The following FBXO11 variants were observed in gnomAD, a reference collection of about 807,000 sequenced individuals.
FBXO11 encodes F-box only protein 11.
FBXO11 carries 13 observed loss-of-function variants against 117.0 expected under a neutral mutation model. The observed-to-expected ratio is 0.11, with a 90% confidence interval of 0.07 to 0.18. The LOEUF is 0.18. Ranked by LOEUF, FBXO11 falls within the 10% of genes least tolerant of loss-of-function variation. The pLI is 1.00. For synonymous variants in FBXO11, 490 were observed against 380.5 expected (o/e 1.29, Z -3.35); for missense variants, 767 against 1,164.4 (o/e 0.66, Z 4.97).
chr2:47,830,868 T>C (rs1672128662), intron 11 of FBXO11, among the ~76,000 whole-genome samples: 1 of 152,084 alleles, frequency 6.6e-6, no homozygotes, highest in Non-Finnish European at 1.5e-5. Flanking sequence ...TCTTACATCT[T>C]GGCTCACTGC....
At chr2:47,904,581 A>AAC (rs112758707) in intron 1 of FBXO11, among the ~76,000 whole-genome samples, 2,802 of 147,642 alleles carry the variant, frequency 0.019, 39 homozygotes, top group Middle Eastern at 0.031. Context: ...CGCGCGCGCA[A>AAC]ACACACACAC....
chr2:47,878,843 T>C (rs1160777106), intron 1 of FBXO11, among the ~76,000 whole-genome samples: 1 of 151,694 alleles, frequency 6.6e-6, no homozygotes, highest in African/African-American at 2.4e-5. Context: ...TAGCCTGGCG[T>C]GGTGGGATGC....
chr2:47,887,103 T>G (rs555359457), intron 1 of FBXO11, among the ~76,000 whole-genome samples: 8 of 151,546 alleles, frequency 5.3e-5, no homozygotes, highest in Admixed American at 1.3e-4. Context: ...CTGACCAACA[T>G]GGAGAAACCC....
Position 47,878,016 on chromosome 2 carries a change from C to T in FBXO11, c.232+27473G>A, listed in dbSNP as rs1286450277. On this transcript the variant is annotated intron_variant, in intron 1 of 22. Coordinates refer to ENST00000403359, the MANE Select transcript of FBXO11 (RefSeq NM_001190274.2). ...GGTCTTATAATTGCTGCATATGTCT[C>T]CTCCTGAAGATCCAGTCCCTAAGTC... Among the ~76,000 whole-genome samples, 10 of 152,248 alleles carry T rather than the reference C, an allele frequency of 6.6e-5. No individual in the cohort carries two copies. The East Asian group carries it at 1.6e-3, about 24-fold the overall frequency.
rs962299742 is a variant in FBXO11, at chr2:47,906,324, C to G, written c.-604G>C. Among the ~76,000 whole-genome samples, 8 of 152,126 alleles carry G rather than the reference C, an allele frequency of 5.3e-5. No homozygotes were observed. Among genetic ancestry groups the G allele is most frequent in the African/African-American group, 1.9e-4 (8 of 41,424 alleles). The stretch of plus-strand genomic sequence containing the variant: ...TTCTCTCTCCTCCCCCCCTTCTCTC[C>G]TCGGCGAAGGGGAAATGAGTGTGAA... On this transcript the variant is annotated 5_prime_UTR_variant, in exon 1 of 23. Transcript: ENST00000403359.
At chr2:47,821,376 C>T (rs1169541438) in intron 13 of FBXO11, among the ~76,000 whole-genome samples, 2 of 151,994 alleles carry the variant, frequency 1.3e-5, no homozygotes, top group Non-Finnish European at 2.9e-5. Flanking sequence ...TTTGGGAGAC[C>T]GAGGCAGGCA....
At chr2:47,876,231 T>A (rs1675997018) in intron 1 of FBXO11, among the ~76,000 whole-genome samples, 1 of 152,244 alleles carries the variant, frequency 6.6e-6, no homozygotes, top group Admixed American at 6.5e-5. Context: ...AATAGTAGCA[T>A]TCCTGACTCA....
Position 47,806,954 on chromosome 2 carries a change from C to T in FBXO11, c.*1164G>A, listed in dbSNP as rs1670247502. On this transcript the variant is annotated 3_prime_UTR_variant, in exon 23 of 23. Coordinates refer to ENST00000403359, the MANE Select transcript of FBXO11 (RefSeq NM_001190274.2). ...AATAAACTTTATTTTTTAAAAATGACCATTTTTCCATTTTCTTTCTAGGAA... is the reference window on the plus strand; with the variant it reads ...AATAAACTTTATTTTTTAAAAATGATCATTTTTCCATTTTCTTTCTAGGAA... 3 of 944,868 alleles carry T rather than the reference C, an allele frequency of 3.2e-6. No homozygotes were observed. The highest frequency in any genetic ancestry group is 2.0e-5 in the Admixed American group (1 of 50,146). 58.5% of individuals were successfully genotyped at this position (944,868 alleles called of 1,614,324 possible).
intron 1 of FBXO11, among the ~76,000 whole-genome samples, chr2:47,898,582 T>C (rs1677851866): frequency 6.6e-6 from 1 of 152,168 alleles, no homozygotes; most frequent in African/African-American, 2.4e-5. Context: ...AATGATCTCA[T>C]CAACACACTG....
At chr2:47,831,065 C>G (rs1223154686) in intron 11 of FBXO11, among the ~76,000 whole-genome samples, 1 of 151,626 alleles carries the variant, frequency 6.6e-6, no homozygotes, top group African/African-American at 2.4e-5. Context: ...TCCCAAAGTG[C>G]TGGGATTACA....
At chr2:47,869,206 C>T (rs545504494) in intron 1 of FBXO11, among the ~76,000 whole-genome samples, 3 of 152,126 alleles carry the variant, frequency 2.0e-5, no homozygotes, top group Admixed American at 6.5e-5. Flanking sequence ...AACTCACTAA[C>T]GAAATTTCTG....
chr2:47,825,113 G>C (rs567240659), intron 11 of FBXO11, among the ~76,000 whole-genome samples: 1 of 152,160 alleles, frequency 6.6e-6, no homozygotes, highest in Admixed American at 6.5e-5. Flanking sequence ...AAATTTAGTA[G>C]AGGTTAAAAA....
chr2:47,836,136 A>T, intron 4 of FBXO11, 135 bp from the exon 5 acceptor site: 1 of 567,188 alleles, frequency 1.8e-6, no homozygotes, highest in Non-Finnish European at 2.9e-6. Context: ...ATGAATATTA[A>T]ATCACAGGAT....
At chr2:47,859,259 C>A (rs1321615565) in intron 1 of FBXO11, among the ~76,000 whole-genome samples, 1 of 151,890 alleles carries the variant, frequency 6.6e-6, no homozygotes, top group Non-Finnish European at 1.5e-5. Flanking sequence ...ATGTACCCAA[C>A]TAATCTGAAG....
At chr2:47,867,722 TAAGTCA>T (rs143585475) in intron 1 of FBXO11, among the ~76,000 whole-genome samples, 10,977 of 151,906 alleles carry the variant, frequency 0.072, 537 homozygotes, top group Non-Finnish European at 0.11. Context: ...ATGCCTGGAG[TAAGTCA>T]ATAAAGAACT....
intron 7 of FBXO11, among the ~76,000 whole-genome samples, chr2:47,834,106 T>G (rs918166430): frequency 1.3e-5 from 2 of 152,114 alleles, no homozygotes; most frequent in South Asian, 2.1e-4. Context: ...TCCCCGCACT[T>G]TGGAAGGCCG....
intron 1 of FBXO11, among the ~76,000 whole-genome samples, chr2:47,853,764 G>A (rs747561969): frequency 6.6e-6 from 1 of 152,066 alleles, no homozygotes; most frequent in Non-Finnish European, 1.5e-5. Flanking sequence ...CTCAACATTA[G>A]CTATCATCAT....
chr2:47,830,261 T>G lies in FBXO11; in HGVS notation c.1398+2088A>C, dbSNP rs375951316. Among the ~76,000 whole-genome samples, 21 of 152,070 alleles carry G rather than the reference T, an allele frequency of 1.4e-4. No homozygotes were observed. In the South Asian group the frequency reaches 4.4e-3, roughly 32 times the overall value. The stretch of plus-strand genomic sequence containing the variant: ...TTCTCAGCCATGCTCAATGCTACAA[T>G]AGAAAAATGTCTACAGAATCGTGAG... On this transcript the variant is annotated intron_variant, in intron 11 of 22. Transcript: ENST00000403359.
intron 1 of FBXO11, among the ~76,000 whole-genome samples, chr2:47,901,166 T>A (rs999490903): frequency 7.2e-6 from 1 of 138,930 alleles, no homozygotes. Flanking sequence ...TATATACATA[T>A]ATATGTATAT....
Sources: allele counts gnomAD v4.1 joint callset (sites outside exome capture counted in the v4.1 genomes callset), GRCh38; gene constraint gnomAD v4.1.1; transcripts MANE v1.5; gene names NCBI Gene and HGNC (gene_info 2026-07-23, HGNC 2026-07-21).